Variants in ANKRD36 observed in about 807,000 individuals in gnomAD.
The protein encoded by ANKRD36 is ankyrin repeat domain 36, also known as ankyrin repeat domain-containing protein 36A.
Under a neutral mutation model 278.1 loss-of-function variants are expected in ANKRD36, and 179 were observed. The observed-to-expected ratio is 0.64, with a 90% confidence interval of 0.57 to 0.73. ANKRD36 has a LOEUF of 0.73. ANKRD36 is among the 30% of genes least tolerant of loss of function. The pLI, the probability that ANKRD36 is intolerant of heterozygous loss-of-function variation, is 0.00. For synonymous variants in ANKRD36, 320 were observed against 641.1 expected (o/e 0.50, Z 7.57); for missense variants, 1,159 against 1,956.7 (o/e 0.59, Z 7.69).
intron 3 of ANKRD36, among the ~76,000 whole-genome samples, chr2:97,121,604 C>T (rs192247576): frequency 0.012 from 1,841 of 152,084 alleles, 37 homozygotes; most frequent in African/African-American, 0.042. Flanking sequence ...CAAGATGGCA[C>T]CACTGCACTC....
At chr2:97,128,413 A>T (rs1266140384) in intron 6 of ANKRD36, among the ~76,000 whole-genome samples, 2 of 151,516 alleles carry the variant, frequency 1.3e-5, no homozygotes, top group Non-Finnish European at 2.9e-5. Context: ...AAAAAGTGAG[A>T]ATTTTAAGGA....
chr2:97,196,900 G>A (rs140021442), intron 42 of ANKRD36, 112 bp downstream of exon 42: 3 of 1,472,554 alleles, frequency 2.0e-6, no homozygotes, highest in Non-Finnish European at 2.7e-6. Context: ...GATTCAGCAG[G>A]CCGGAGATTC....
intron 10 of ANKRD36, among the ~76,000 whole-genome samples, chr2:97,145,096 C>T (rs1165460975): frequency 3.3e-5 from 5 of 151,818 alleles, no homozygotes; most frequent in Admixed American, 6.6e-5. Context: ...AAGAAATGAT[C>T]GTAATAAGCC....
chr2:97,233,638 T>C (rs557332757), intron 67 of ANKRD36, 92 bp from the exon 68 acceptor site: 2 of 1,558,544 alleles, frequency 1.3e-6, no homozygotes, highest in East Asian at 4.9e-5. Context: ...TTTGTGCTCA[T>C]AGAAACAGAT....
intron 46 of ANKRD36, among the ~76,000 whole-genome samples, chr2:97,201,520 G>T (rs899579516): frequency 3.6e-4 from 55 of 151,916 alleles, no homozygotes; most frequent in African/African-American, 9.2e-4. Flanking sequence ...TTTTATTGAG[G>T]CTAATATATT....
intron 3 of ANKRD36, among the ~76,000 whole-genome samples, chr2:97,121,456 C>T (rs1386893640): frequency 5.3e-5 from 8 of 152,032 alleles, no homozygotes; most frequent in African/African-American, 7.2e-5. Context: ...CTGGCTAACA[C>T]GGTGAAACCC....
Position 97,150,960 on chromosome 2 carries a change from T to C in ANKRD36, c.1102-919T>C, listed in dbSNP as rs376617124. On this transcript the variant is annotated intron_variant, in intron 12 of 75. Coordinates refer to ENST00000420699, the MANE Select transcript of ANKRD36 (RefSeq NM_001354587.1). ...ATCATCATGGTTAACTCTTGGGATG[T>C]GTTATTTTATAGTAAACAAATGAAA... Among the ~76,000 whole-genome samples, 20 of 152,102 alleles carry C rather than the reference T, an allele frequency of 1.3e-4. No individual in the cohort carries two copies. In the East Asian group the frequency reaches 3.5e-3, roughly 26 times the overall value.
At chr2:97,192,570 C>T (rs987078122) in intron 36 of ANKRD36, among the ~76,000 whole-genome samples, 5 of 151,732 alleles carry the variant, frequency 3.3e-5, no homozygotes, top group South Asian at 4.2e-4. Flanking sequence ...CACATTTGTC[C>T]GCATCACTTG....
chr2:97,163,942 C>G (rs1481485298), intron 18 of ANKRD36: 1 of 1,144,866 alleles, frequency 8.7e-7, no homozygotes, highest in Non-Finnish European at 1.1e-6. Flanking sequence ...CTTCTGGGGT[C>G]CGCTTTGGTT....
At chr2:97,185,639 T>C (rs1435849162) in intron 30 of ANKRD36, 129 bp downstream of exon 30, 14 of 1,206,140 alleles carry the variant, frequency 1.2e-5, no homozygotes, top group South Asian at 4.1e-5. Flanking sequence ...GATTCTTCAT[T>C]TGTAATAAGT....
intron 1 of ANKRD36, among the ~76,000 whole-genome samples, chr2:97,114,986 T>C (rs549870955): frequency 5.3e-5 from 8 of 152,194 alleles, no homozygotes; most frequent in African/African-American, 1.9e-4. Flanking sequence ...CCACAAGTTA[T>C]TTACTAACAG....
At chr2:97,143,962 A>G (rs72945159) in intron 8 of ANKRD36, among the ~76,000 whole-genome samples, 788 of 107,444 alleles carry the variant, frequency 7.3e-3, no homozygotes, top group Middle Eastern at 0.015. Flanking sequence ...ATTATATGCT[A>G]GGATTCACCA....
intron 54 of ANKRD36, among the ~76,000 whole-genome samples, chr2:97,209,259 G>T (rs1209913895): frequency 6.8e-6 from 1 of 146,564 alleles, no homozygotes; most frequent in Non-Finnish European, 1.5e-5. Context: ...TAAAGAGCAT[G>T]AAGAATGTTT....
chr2:97,132,558 G>A (rs1160177067), intron 6 of ANKRD36, among the ~76,000 whole-genome samples: 1 of 151,728 alleles, frequency 6.6e-6, no homozygotes, highest in East Asian at 1.9e-4. Flanking sequence ...TTAGGGAAAG[G>A]TGTTTTATAA....
chr2:97,190,258 G>A (rs1558618304), intron 34 of ANKRD36, among the ~76,000 whole-genome samples: 1 of 94,924 alleles, frequency 1.1e-5, no homozygotes, highest in African/African-American at 2.6e-5. Context: ...CTTTGTAGAA[G>A]TATGTCAAAA....
chr2:97,226,604 T>A (rs1287004727), intron 67 of ANKRD36, among the ~76,000 whole-genome samples: 1 of 152,040 alleles, frequency 6.6e-6, no homozygotes. Flanking sequence ...TAGTTTCTTT[T>A]GCTGTGCAAA....
chr2:97,126,957 G>A (rs2038806322), intron 5 of ANKRD36, 110 bp from the exon 6 acceptor site: 3 of 454,152 alleles, frequency 6.6e-6, no homozygotes, highest in Non-Finnish European at 1.1e-5. Flanking sequence ...GAAGTGTATA[G>A]GATAATTAAC....
chr2:97,180,628 T>G (rs2055901755), intron 24 of ANKRD36, among the ~76,000 whole-genome samples: 1 of 151,668 alleles, frequency 6.6e-6, no homozygotes, highest in Non-Finnish European at 1.5e-5. Context: ...ACACATGTTT[T>G]GTTGACTTTA....
In ANKRD36 at chr2:97,202,203, G is replaced by A. The variant is rs908175686; in HGVS notation, c.2859G>A (p.Val953=). The change falls in exon 47 of 76, where the codon GTG becomes GTA. Residue 953 remains valine, a splice_region_variant and synonymous_variant. Coordinates refer to ENST00000420699, the MANE Select transcript of ANKRD36 (RefSeq NM_001354587.1). ...TTATGAATCCCTTTTGCTTTTCAGT[G>A]TCTTCTCAGAAACCACCAGCCTTGA... is the stretch of plus-strand genomic sequence containing the variant. ...EKKDGEISRK[V]SSQKPPALKG... 4 of 1,609,434 alleles carry A rather than the reference G, an allele frequency of 2.5e-6. No individual in the cohort carries two copies. The African/African-American group carries it at 4.0e-5, about 16-fold the overall frequency.
Sources: gnomAD v4.1 joint callset for allele counts (sites outside exome capture counted in the v4.1 genomes callset) on GRCh38, gnomAD v4.1.1 for gene constraint, MANE v1.5 for transcripts, NCBI Gene and HGNC (gene_info 2026-07-23, HGNC 2026-07-21) for gene names.